BLTP2: variants seen among roughly 807,000 people sequenced by gnomAD.
The protein encoded by BLTP2 is bridge-like lipid transfer protein family member 2, also known as U937-associated antigen.
the BLTP2 span, among the ~76,000 whole-genome samples, chr17:28,625,334 C>CAAAAAAAAAAAAAAAAAAAAAAAAA: frequency 3.8e-4 from 11 of 29,022 alleles, no homozygotes; most frequent in Non-Finnish European, 6.6e-4. Context: ...GACTCCGTCT[C>CAAAAAAAAAAAAAAAAAAAAAAAAA]AAAAAAAAAA....
At chr17:28,616,237 C>G in the BLTP2 span, 1 of 1,599,068 alleles carries the variant, frequency 6.3e-7, no homozygotes, top group East Asian at 2.2e-5. The surrounding 1 kb of genome is among the most constrained non-coding windows in gnomAD (Gnocchi z 4.8). Context: ...CTGAATCCAT[C>G]AGAAGAAACT....
the BLTP2 span, chr17:28,615,959 G>T: frequency 1.0e-6 from 1 of 1,001,258 alleles, no homozygotes; most frequent in East Asian, 2.4e-5. Flanking sequence ...TGACTCTTGA[G>T]GGGAGCAGAG....
At chr17:28,619,707 G>C in the BLTP2 span, 1 of 1,614,064 alleles carries the variant, frequency 6.2e-7, no homozygotes, top group Non-Finnish European at 8.5e-7. Context: ...CCTTCTCCTG[G>C]TTTAGCTGCA....
chr17:28,634,271 T>A, the BLTP2 span, among the ~76,000 whole-genome samples: 1 of 152,126 alleles, frequency 6.6e-6, no homozygotes, highest in Non-Finnish European at 1.5e-5. Flanking sequence ...GTTAAGGGCA[T>A]AGCACTGAGA....
the BLTP2 span, chr17:28,644,925 T>A: frequency 7.0e-7 from 1 of 1,425,046 alleles, no homozygotes; most frequent in Non-Finnish European, 9.7e-7. Flanking sequence ...CAGTCTTTCT[T>A]CCTCCTCTCC....
At chr17:28,641,992 A>C in the BLTP2 span, 1 of 1,614,198 alleles carries the variant, frequency 6.2e-7, no homozygotes, top group East Asian at 2.2e-5. Context: ...ACACATCCAC[A>C]GTGATAGCAG....
At chr17:28,632,062 A>C in the BLTP2 span, 1 of 1,612,938 alleles carries the variant, frequency 6.2e-7, no homozygotes, top group Non-Finnish European at 8.5e-7. Flanking sequence ...CAGCTGGGGA[A>C]AGAGGGCTGT....
At chr17:28,640,146 G>T in the BLTP2 span, 1 of 1,124,174 alleles carries the variant, frequency 8.9e-7, no homozygotes, top group Non-Finnish European at 1.2e-6. Context: ...TGTAATCCCA[G>T]CCCTTTGGGA....
the BLTP2 span, chr17:28,644,113 C>T: frequency 1.7e-5 from 28 of 1,614,216 alleles, no homozygotes; most frequent in Non-Finnish European, 2.1e-5. Context: ...CCAAAAAAAG[C>T]GGAAGGAGCC....
chr17:28,615,649 G>C, the BLTP2 span: 2 of 1,613,240 alleles, frequency 1.2e-6, no homozygotes, highest in Non-Finnish European at 1.7e-6. Flanking sequence ...ACAGCCATGA[G>C]CCCTGGCGGG....
chr17:28,615,811 G>T, the BLTP2 span: 1 of 1,612,802 alleles, frequency 6.2e-7, no homozygotes, highest in African/African-American at 1.3e-5. Flanking sequence ...GTAAGAGGAG[G>T]GGGAGGGGAA....
chr17:28,632,677 G>A, the BLTP2 span, among the ~76,000 whole-genome samples: 1,309 of 152,110 alleles, frequency 8.6e-3, 13 homozygotes, highest in African/African-American at 0.029. Flanking sequence ...TTTGATCTTC[G>A]ACTTTCAAGC....
At chr17:28,631,362 A>T in the BLTP2 span, 20 of 937,386 alleles carry the variant, frequency 2.1e-5, no homozygotes, top group East Asian at 4.2e-4. Flanking sequence ...CAAAACTCAT[A>T]AATAAATTTT....
chr17:28,624,488 T>G, the BLTP2 span: 5 of 1,098,896 alleles, frequency 4.6e-6, no homozygotes, highest in Non-Finnish European at 6.5e-6. Context: ...TTTATCTGGC[T>G]AGGTAAGAGC....
the BLTP2 span, chr17:28,620,667 T>C: frequency 6.2e-7 from 1 of 1,608,622 alleles, no homozygotes; most frequent in African/African-American, 1.3e-5. Context: ...AAGGCTCAAG[T>C]TTCTACCTAA....
the BLTP2 span, chr17:28,621,241 T>C: frequency 2.0e-6 from 3 of 1,534,096 alleles, no homozygotes; most frequent in East Asian, 2.3e-5. Context: ...CTCCCAGCTA[T>C]GTCTCAGAAA....
the BLTP2 span, chr17:28,641,819 C>A: frequency 7.3e-7 from 1 of 1,373,052 alleles, no homozygotes; most frequent in South Asian, 1.3e-5. Context: ...AGTGAGACCA[C>A]TATTTTTTCT....
chr17:28,616,547 C>T, the BLTP2 span: 2 of 1,614,090 alleles, frequency 1.2e-6, no homozygotes, highest in Non-Finnish European at 8.5e-7. The surrounding 1 kb of genome is among the most constrained non-coding windows in gnomAD (Gnocchi z 4.8). Context: ...CATCCATCCT[C>T]GTTCTGAAGT....
chr17:28,622,251 G>A, the BLTP2 span, among the ~76,000 whole-genome samples: 28 of 152,286 alleles, frequency 1.8e-4, no homozygotes, highest in African/African-American at 6.3e-4. Flanking sequence ...AAAGAGCACT[G>A]CTTGTCTGAA....
Sources: allele counts gnomAD v4.1 joint callset (sites outside exome capture counted in the v4.1 genomes callset), GRCh38; gene constraint gnomAD v4.1.1; non-coding constraint Gnocchi (gnomAD v3.1); transcripts MANE v1.5; gene names NCBI Gene and HGNC (gene_info 2026-07-23, HGNC 2026-07-21).